The following ADAM19 variants were observed in gnomAD, a reference collection of about 807,000 sequenced individuals.
ADAM19 encodes disintegrin and metalloproteinase domain-containing protein 19.
ADAM19 carries 65 observed loss-of-function variants against 114.7 expected under a neutral mutation model. That is an observed-to-expected ratio of 0.57 (90% CI 0.46 to 0.70). The LOEUF (loss-of-function observed/expected upper bound fraction) is 0.70. ADAM19 is among the 30% of genes least tolerant of loss of function. The probability of loss-of-function intolerance (pLI) is 0.00; values close to 1 mark genes in which losing one functional copy is unlikely to be tolerated. For missense variants in ADAM19, 1,063 were observed against 1,204.7 expected (o/e 0.88, Z 1.74); for synonymous variants, 466 against 460.5 (o/e 1.01, Z -0.15).
At chr5:157,570,690 A>G (rs1757794586) in intron 2 of ADAM19, 1 of 500,184 alleles carries the variant, frequency 2.0e-6, no homozygotes, top group Admixed American at 3.7e-5. Flanking sequence ...CATTTCCTCA[A>G]CTAATAGCAT....
chr5:157,531,064 G>A (rs1414260454), intron 4 of ADAM19, among the ~76,000 whole-genome samples, 181 bp from the exon 5 acceptor site: 1 of 152,146 alleles, frequency 6.6e-6, no homozygotes, highest in Non-Finnish European at 1.5e-5. Flanking sequence ...AATAATCCTA[G>A]GAGACGGGGC....
chr5:157,500,740 G>A (rs1055039552), intron 12 of ADAM19, among the ~76,000 whole-genome samples: 6 of 152,132 alleles, frequency 3.9e-5, no homozygotes, highest in African/African-American at 1.4e-4. Flanking sequence ...AGATCTCCAT[G>A]GGTTCCTTGC....
rs760268305 is a variant in ADAM19, at chr5:157,481,979, G to C, written c.2551-36C>G. The C allele has an allele frequency of 2.0e-6, 3 of 1,509,824 alleles. No homozygotes were observed. The East Asian group carries it at 6.9e-5, about 35-fold the overall frequency. 93.5% of individuals were successfully genotyped at this position (1,509,824 alleles called of 1,614,324 possible). On this transcript the variant is annotated intron_variant, in intron 21 of 22. Transcript: ENST00000257527. The stretch of plus-strand genomic sequence containing the variant: ...AGCAATAAGCCTCACTTGAAGGCCA[G>C]AGGCCTGTTTGAAAGAAAATATCCC...
Position 157,478,983 on chromosome 5 carries a change from T to C in ADAM19, c.*1966A>G. On this transcript the variant is annotated 3_prime_UTR_variant, in exon 23 of 23. Coordinates refer to ENST00000257527, the MANE Select transcript of ADAM19 (RefSeq NM_033274.5). ...TTGGGTTTTGAGGATGTTGCTTGTT[T>C]GTTTTGCAGAGGGGTGAAAGGGGAT... The C allele has an allele frequency of 4.1e-6, 4 of 985,632 alleles. No homozygotes were observed. The highest frequency in any genetic ancestry group is 4.8e-6 in the Non-Finnish European group (4 of 829,950). 61.1% of individuals were successfully genotyped at this position (985,632 alleles called of 1,614,324 possible).
At chr5:157,539,050 G>A (rs1756843282) in intron 3 of ADAM19, among the ~76,000 whole-genome samples, 1 of 151,840 alleles carries the variant, frequency 6.6e-6, no homozygotes, top group Non-Finnish European at 1.5e-5. Flanking sequence ...CTAGCTGGGA[G>A]GCTGAGGCAG....
chr5:157,496,863 G>T, intron 14 of ADAM19, 31 bp downstream of exon 14: 1 of 1,507,852 alleles, frequency 6.6e-7, no homozygotes, highest in East Asian at 2.6e-5. Context: ...TGGTGGGCTG[G>T]GGAGAGCCGT....
chr5:157,570,995 T>C lies in ADAM19; in HGVS notation c.95-15A>G. The C allele has an allele frequency of 6.2e-7, 1 of 1,612,930 alleles. No homozygotes were observed. The highest frequency in any genetic ancestry group is 8.5e-7 in the Non-Finnish European group (1 of 1,179,230). On this transcript the variant is annotated splice_polypyrimidine_tract_variant and intron_variant, in intron 1 of 22. Transcript: ENST00000257527. Reference sequence around the variant, plus strand: ...CTCACTTCCTCCTGCCAATACAAGATGCAAAACCATTGGAATCCCAGACCT... The same window carrying C: ...CTCACTTCCTCCTGCCAATACAAGACGCAAAACCATTGGAATCCCAGACCT...
At chr5:157,540,283 A>G (rs1416091501) in intron 3 of ADAM19, among the ~76,000 whole-genome samples, 1 of 152,202 alleles carries the variant, frequency 6.6e-6, no homozygotes, top group African/African-American at 2.4e-5. Context: ...GTAAAACGCA[A>G]TGTGCTCATT....
intron 3 of ADAM19, among the ~76,000 whole-genome samples, chr5:157,541,443 A>G (rs893769472): frequency 6.6e-6 from 1 of 152,208 alleles, no homozygotes; most frequent in Admixed American, 6.5e-5. Context: ...GGACAGGCAG[A>G]AATCAGTAGG....
At chr5:157,496,663 T>C (rs1015855144) in intron 14 of ADAM19, among the ~76,000 whole-genome samples, 4 of 152,226 alleles carry the variant, frequency 2.6e-5, no homozygotes, top group African/African-American at 9.6e-5. Context: ...CATTTTTCTT[T>C]TGGATTACTC....
In ADAM19 at chr5:157,503,053, T is replaced by C. The variant is rs1414161508; in HGVS notation, c.1131-73A>G. 4.2e-6 allele frequency: 6 copies of C among 1,436,828 alleles called. No individual in the cohort carries two copies. The African/African-American group carries it at 8.4e-5, about 20-fold the overall frequency. 89.0% of individuals were successfully genotyped at this position (1,436,828 alleles called of 1,614,324 possible). A position where few individuals can be genotyped will look rare whatever the true frequency, so the allele number is the denominator to read the frequency against. The stretch of plus-strand genomic sequence containing the variant: ...AGTCAGGCAGGTGTCACTCGTGCTG[T>C]CACTCCTGCTACCCGTGGGGCTGAC... On this transcript the variant is annotated intron_variant, in intron 11 of 22. Coordinates refer to ENST00000257527, the MANE Select transcript of ADAM19 (RefSeq NM_033274.5).
chr5:157,534,976 A>G (rs977477206), intron 4 of ADAM19, among the ~76,000 whole-genome samples: 4 of 152,118 alleles, frequency 2.6e-5, no homozygotes, highest in Non-Finnish European at 5.9e-5. Flanking sequence ...AAGCCTTGCC[A>G]CTTACTGGTT....
chr5:157,543,936 A>C (rs933336386), intron 3 of ADAM19, among the ~76,000 whole-genome samples: 3 of 152,254 alleles, frequency 2.0e-5, no homozygotes, highest in Non-Finnish European at 2.9e-5. Flanking sequence ...TGCTGAAAGA[A>C]AAGCAGGGAA....
intron 15 of ADAM19, among the ~76,000 whole-genome samples, chr5:157,494,074 C>T (rs980867562): frequency 1.3e-5 from 2 of 152,226 alleles, no homozygotes; most frequent in African/African-American, 2.4e-5. Context: ...GTTCCATGCA[C>T]TCAGCACAAT....
chr5:157,530,043 A>G (rs755056401), intron 5 of ADAM19, among the ~76,000 whole-genome samples: 30 of 152,208 alleles, frequency 2.0e-4, no homozygotes, highest in Non-Finnish European at 3.8e-4. Flanking sequence ...CATCCCGAGC[A>G]TATTAACCAT....
Position 157,478,865 on chromosome 5 carries a change from T to C in ADAM19, c.*2084A>G, listed in dbSNP as rs1211479336. The stretch of plus-strand genomic sequence containing the variant: ...AGGTTCAGATGGCTCATGCAGTCAC[T>C]ATGGCTGTGGCGCTGTCATTTCAGA... On this transcript the variant is annotated 3_prime_UTR_variant, in exon 23 of 23. Transcript: ENST00000257527. 2 of 985,778 alleles carry C rather than the reference T, an allele frequency of 2.0e-6. No individual in the cohort carries two copies. The highest frequency in any genetic ancestry group is 2.4e-6 in the Non-Finnish European group (2 of 829,942). The allele number at this position is 985,778 out of a possible 1,614,324, so 61.1% of individuals were successfully genotyped here.
chr5:157,540,113 T>C (rs905162792), intron 3 of ADAM19, among the ~76,000 whole-genome samples: 1 of 152,224 alleles, frequency 6.6e-6, no homozygotes, highest in African/African-American at 2.4e-5. Context: ...ATAATAAATG[T>C]AGCAGACTTA....
intron 4 of ADAM19, among the ~76,000 whole-genome samples, chr5:157,534,270 C>A (rs1266377503): frequency 6.6e-6 from 1 of 152,050 alleles, no homozygotes; most frequent in African/African-American, 2.4e-5. Flanking sequence ...GAGTTTGAGA[C>A]CACCTTAGCC....
intron 13 of ADAM19, among the ~76,000 whole-genome samples, chr5:157,498,420 T>C (rs1755434533): frequency 6.6e-6 from 1 of 152,256 alleles, no homozygotes; most frequent in African/African-American, 2.4e-5. Context: ...GGGCACCTGC[T>C]GTGTAACCTG....
Sources: gnomAD v4.1 joint callset for allele counts (sites outside exome capture counted in the v4.1 genomes callset) on GRCh38, gnomAD v4.1.1 for gene constraint, MANE v1.5 for transcripts, NCBI Gene and HGNC (gene_info 2026-07-23, HGNC 2026-07-21) for gene names.